Variants in TTC34 observed in about 807,000 individuals in gnomAD.
TTC34 encodes tetratricopeptide repeat domain 34.
Under a neutral mutation model 40.7 loss-of-function variants are expected in TTC34, and 44 were observed. The observed-to-expected ratio is 1.08, with a 90% CI of 0.85 to 1.39. The LOEUF is 1.39. Among genes scored for constraint, TTC34 ranks in the 40% most tolerant of loss-of-function variants. The pLI is 0.00. For missense variants in TTC34, 884 were observed against 838.0 expected (o/e 1.05, Z -0.68); for synonymous variants, 422 against 398.6 (o/e 1.06, Z -0.70).
At chr1:2,756,629 C>G (rs1217340456) in intron 6 of TTC34, among the ~76,000 whole-genome samples, 2 of 68,766 alleles carry the variant, frequency 2.9e-5, no homozygotes, top group South Asian at 4.1e-4. Context: ...ACCCACACCC[C>G]CAGGTGAGCA....
At chr1:2,794,748 A>G (rs1193712744) in intron 2 of TTC34, among the ~76,000 whole-genome samples, 2 of 152,188 alleles carry the variant, frequency 1.3e-5, no homozygotes, top group Admixed American at 1.3e-4. Flanking sequence ...GATAGATATT[A>G]TCTTTTTCAA....
At chr1:2,695,235 C>T (rs373201278) in intron 6 of TTC34, among the ~76,000 whole-genome samples, 18 of 74,738 alleles carry the variant, frequency 2.4e-4, no homozygotes, top group Admixed American at 5.1e-4. Flanking sequence ...GGTCCCTGCA[C>T]CCCCAGGTGC....
chr1:2,682,251 C>G (rs1640115798), intron 6 of TTC34, among the ~76,000 whole-genome samples: 5 of 131,664 alleles, frequency 3.8e-5, no homozygotes, highest in African/African-American at 1.1e-4. Context: ...ATCTGATTGT[C>G]TGGAGCAGCA....
At chr1:2,753,279 G>A (rs1435918969) in intron 6 of TTC34, among the ~76,000 whole-genome samples, 337 of 103,112 alleles carry the variant, frequency 3.3e-3, no homozygotes, top group East Asian at 6.2e-3. Flanking sequence ...CTGACAGCCT[G>A]GAACAGCACC....
At chr1:2,641,796 A>G (rs1281423370) in exon 9 of TTC34, 1 of 1,534,948 alleles carries the variant, frequency 6.5e-7, no homozygotes, top group African/African-American at 1.4e-5. Flanking sequence ...CGCAGGTGAC[A>G]GGCACTGCTG....
intron 6 of TTC34, among the ~76,000 whole-genome samples, chr1:2,649,154 C>T (rs950474599): frequency 4.0e-5 from 6 of 151,452 alleles, no homozygotes; most frequent in East Asian, 3.9e-4. Context: ...CAGCCTGGAA[C>T]GGTATCCACA....
At position 2,789,489 on chromosome 1, in the gene TTC34, G is replaced by C. The variant is rs767077242; in HGVS notation, c.1628+14C>G. On this transcript the variant is annotated intron_variant, in intron 3 of 8. Transcript: ENST00000401095. ...AGGAAGCAGCGGCCCCAGCGTGCCC[G>C]GGCGGGTCCTCACCCCTCCTGCGTG... 1.3e-6 allele frequency: 2 copies of C among 1,506,698 alleles called. No homozygotes were observed. The highest frequency in any genetic ancestry group is 1.8e-6 in the Non-Finnish European group (2 of 1,131,516). 93.3% of individuals were successfully genotyped at this position (1,506,698 alleles called of 1,614,324 possible). A position where few individuals can be genotyped will look rare whatever the true frequency, so the allele number is the denominator to read the frequency against.
At position 2,789,086 on chromosome 1, in the gene TTC34, A is replaced by G. The variant is rs1437370872; in HGVS notation, c.1628+417T>C. On this transcript the variant is annotated intron_variant, in intron 3 of 8. Coordinates refer to ENST00000401095, the Ensembl canonical transcript of TTC34. ...GAGTAAGACTCCATCTCAAAGAACA[A>G]AAAACAAAACAAAACAAAACAAACC... Among the ~76,000 whole-genome samples, 9 of 152,254 alleles carry G rather than the reference A, an allele frequency of 5.9e-5. No homozygotes were observed. The East Asian group carries it at 1.4e-3, about 23-fold the overall frequency.
chr1:2,756,657 G>C (rs1641515898), intron 6 of TTC34, among the ~76,000 whole-genome samples: 1 of 151,928 alleles, frequency 6.6e-6, no homozygotes, highest in Non-Finnish European at 1.5e-5. Context: ...GCCTGGAACA[G>C]CACCCACACC....
At chr1:2,751,201 C>T (rs1387296614) in intron 6 of TTC34, among the ~76,000 whole-genome samples, 1 of 109,244 alleles carries the variant, frequency 9.2e-6, no homozygotes, top group Non-Finnish European at 1.8e-5. Context: ...TGGAGCAGCA[C>T]CCACACCCTC....
intron 5 of TTC34, among the ~76,000 whole-genome samples, chr1:2,784,863 G>C (rs1643554209): frequency 1.3e-5 from 2 of 152,180 alleles, no homozygotes; most frequent in South Asian, 4.1e-4. Context: ...TCGGCACCTA[G>C]GTAATCTTTT....
In TTC34 at chr1:2,778,977, C is replaced by T. The variant is rs150112392; in HGVS notation, c.2226+4632G>A. On this transcript the variant is annotated intron_variant, in intron 6 of 8. Transcript: ENST00000401095. ...CATTCTGCTTTCTGTCTCTGTGATT[C>T]GATGACTCTAGGGACTTCATATAAG... Among the ~76,000 whole-genome samples the T allele has an allele frequency of 5.4e-3, 828 of 152,242 alleles. 8 individuals are homozygous for T. The highest frequency in any genetic ancestry group is 0.018 in the African/African-American group (762 of 41,540).
chr1:2,762,098 C>A (rs1490862827), intron 6 of TTC34, among the ~76,000 whole-genome samples: 1 of 52,090 alleles, frequency 1.9e-5, no homozygotes, highest in Non-Finnish European at 3.0e-5. Context: ...CAACCCCAGG[C>A]GAGCATCTGA....
chr1:2,780,170 G>A lies in TTC34; in HGVS notation c.2226+3439C>T, dbSNP rs181847359. 2.0e-3 allele frequency among the ~76,000 whole-genome samples: 305 copies of A among 152,298 alleles called. 3 individuals carry two copies. Among genetic ancestry groups the A allele is most frequent in the African/African-American group, 7.0e-3 (289 of 41,562 alleles). On this transcript the variant is annotated intron_variant, in intron 6 of 8. Transcript: ENST00000401095. Reference sequence around the variant, plus strand: ...TTGTTGAGTTTTAGGACTTCTCTGTGTATTCTGGGTAATAATTCCTTATCA... The same window carrying A: ...TTGTTGAGTTTTAGGACTTCTCTGTATATTCTGGGTAATAATTCCTTATCA...
rs1413988150 is a variant in TTC34, at chr1:2,694,800, G to C, written c.2227-49237C>G. 2.9e-5 allele frequency among the ~76,000 whole-genome samples: 2 copies of C among 69,104 alleles called. 1 individual carries two copies. Among genetic ancestry groups the C allele is most frequent in the Non-Finnish European group, 7.0e-5 (2 of 28,702 alleles). The allele number at this position is 69,104 out of a possible 152,430, so 45.3% of individuals were successfully genotyped here. A position where few individuals can be genotyped will look rare whatever the true frequency, so the allele number is the denominator to read the frequency against. Reference sequence around the variant, plus strand: ...TGGAGCAGCACCCACACACCCAGGCGAGCATCTGACAGCCTGGAACGACAC... The same window carrying C: ...TGGAGCAGCACCCACACACCCAGGCCAGCATCTGACAGCCTGGAACGACAC... On this transcript the variant is annotated intron_variant, in intron 6 of 8. Coordinates refer to ENST00000401095, the Ensembl canonical transcript of TTC34.
chr1:2,700,347 C>T (rs1211452189), intron 6 of TTC34, among the ~76,000 whole-genome samples: 3 of 115,274 alleles, frequency 2.6e-5, no homozygotes, highest in East Asian at 2.6e-4. Flanking sequence ...AGGTGAGCAT[C>T]CGACAGCCTG....
At chr1:2,749,013 CAT>C (rs1641233038) in intron 6 of TTC34, among the ~76,000 whole-genome samples, 8 of 149,918 alleles carry the variant, frequency 5.3e-5, no homozygotes, top group South Asian at 2.1e-4. Flanking sequence ...CCCAGGTGAG[CAT>C]CTGACAGCCT....
In TTC34 at chr1:2,749,686, C is replaced by G. The variant is rs1569686913; in HGVS notation, c.2226+33923G>C. Among the ~76,000 whole-genome samples the G allele has an allele frequency of 3.9e-5, 4 of 101,758 alleles. 1 individual carries two copies. Among genetic ancestry groups the G allele is most frequent in the African/African-American group, 2.0e-4 (4 of 19,782 alleles). The allele number at this position is 101,758 out of a possible 152,430, so 66.8% of individuals were successfully genotyped here. ...ACAGCCTGGAGCAGCAACCTGCACA[C>G]CCAGGTGAGCATCTGACAGTCTGGA... is the stretch of plus-strand genomic sequence containing the variant. On this transcript the variant is annotated intron_variant, in intron 6 of 8. Transcript: ENST00000401095.
chr1:2,696,943 C>A (rs1166121610), intron 6 of TTC34, among the ~76,000 whole-genome samples: 1 of 40,366 alleles, frequency 2.5e-5, no homozygotes, highest in Non-Finnish European at 5.7e-5. Flanking sequence ...CTCTGACAGC[C>A]TGGAACAGCA....
Sources: gnomAD v4.1 joint callset for allele counts (sites outside exome capture counted in the v4.1 genomes callset) on GRCh38, gnomAD v4.1.1 for gene constraint, MANE v1.5 for transcripts, NCBI Gene and HGNC (gene_info 2026-07-23, HGNC 2026-07-21) for gene names.